The following MALRD1 variants were observed in gnomAD, a reference collection of about 807,000 sequenced individuals.
MALRD1 encodes the protein MAM and LDL receptor class A domain containing 1, also known as MAM and LDL-receptor class A domain-containing protein 1.
A neutral mutation model predicts 242.1 loss-of-function variants in MALRD1; 247 were observed. The observed-to-expected ratio is 1.02, with a 90% confidence interval of 0.92 to 1.13. The LOEUF (loss-of-function observed/expected upper bound fraction) is 1.13. Among genes scored for constraint, MALRD1 ranks in the 50% most tolerant of loss-of-function variants. MALRD1 has a pLI of 0.00. For synonymous variants in MALRD1, 995 were observed against 866.6 expected, an observed-to-expected ratio of 1.15 and a Z score of -2.60; for missense variants, 2,989 against 2,533.1, an observed-to-expected ratio of 1.18 and a Z score of -3.86.
At chr10:19,452,329 G>A (rs1490501103) in intron 29 of MALRD1, among the ~76,000 whole-genome samples, 3 of 152,156 alleles carry the variant, frequency 2.0e-5, no homozygotes, top group African/African-American at 7.2e-5. Context: ...TTCTGTGAGA[G>A]TTTACGTGAT....
intron 10 of MALRD1, among the ~76,000 whole-genome samples, chr10:19,144,921 G>C (rs950065351): frequency 6.6e-6 from 1 of 152,146 alleles, no homozygotes; most frequent in Non-Finnish European, 1.5e-5. Context: ...AAAGATGATA[G>C]CATGAAGATC....
chr10:19,403,486 A>G (rs1374461164), intron 28 of MALRD1, among the ~76,000 whole-genome samples: 1 of 152,118 alleles, frequency 6.6e-6, no homozygotes, highest in Non-Finnish European at 1.5e-5. Flanking sequence ...GCCCTCTTTT[A>G]TGCTAACGTG....
chr10:19,264,129 T>C (rs1839874183), intron 19 of MALRD1, among the ~76,000 whole-genome samples: 2 of 152,168 alleles, frequency 1.3e-5, no homozygotes, highest in African/African-American at 4.8e-5. Flanking sequence ...TTGTTTGGAG[T>C]TTTTATCATG....
At chr10:19,302,079 A>G (rs1415147196) in intron 21 of MALRD1, among the ~76,000 whole-genome samples, 1 of 151,876 alleles carries the variant, frequency 6.6e-6, no homozygotes, top group African/African-American at 2.4e-5. Flanking sequence ...CACATCCACT[A>G]GGATGGCAAT....
At chr10:19,252,707 C>T (rs1034408263) in intron 18 of MALRD1, among the ~76,000 whole-genome samples, 5 of 151,930 alleles carry the variant, frequency 3.3e-5, no homozygotes, top group African/African-American at 1.2e-4. Flanking sequence ...TTTAATATGG[C>T]ACTTATGACC....
chr10:19,697,257 T>G (rs924447375), intron 38 of MALRD1, among the ~76,000 whole-genome samples: 6 of 151,500 alleles, frequency 4.0e-5, no homozygotes, highest in Non-Finnish European at 8.8e-5. Context: ...CAAGTAAGAG[T>G]TGATGGTCCA....
At position 19,324,095 on chromosome 10, in the gene MALRD1, G is replaced by A; in HGVS notation, c.3566G>A (p.Gly1189Asp). 6.5e-7 allele frequency: 1 copy of A among 1,550,142 alleles called. No individual in the cohort carries two copies. The highest frequency in any genetic ancestry group is 8.7e-7 in the Non-Finnish European group (1 of 1,146,696). The part of the protein sequence containing the change: ...FWTHMNGATV[G>D]SLQVLIKKDN... The stretch of plus-strand genomic sequence containing the variant: ...ACACATATGAATGGGGCCACCGTTG[G>A]TTCTCTCCAGGTACTGCTTAGGCAA... Residue 1189 changes from glycine (G) to aspartate (D), a missense_variant, in exon 22 of 40, where the codon GGT (glycine) becomes GAT (aspartate). Coordinates refer to ENST00000454679, the MANE Select transcript of MALRD1 (RefSeq NM_001142308.3).
chr10:19,126,210 G>C (rs889361574), intron 7 of MALRD1, among the ~76,000 whole-genome samples: 1 of 152,072 alleles, frequency 6.6e-6, no homozygotes, highest in African/African-American at 2.4e-5. Context: ...ATTTCAGTAT[G>C]ATGAGTGCAG....
chr10:19,312,408 A>ATG (rs774610118), intron 21 of MALRD1, among the ~76,000 whole-genome samples: 3,403 of 143,960 alleles, frequency 0.024, 83 homozygotes, highest in African/African-American at 0.063. Context: ...ATATGTGTAT[A>ATG]TGTGTGTGTG....
intron 4 of MALRD1, among the ~76,000 whole-genome samples, chr10:19,095,536 A>G (rs1029726119): frequency 1.3e-5 from 2 of 152,124 alleles, no homozygotes; most frequent in Non-Finnish European, 2.9e-5. Context: ...TCATTCATTC[A>G]CTTAAGAAAG....
chr10:19,726,008 G>A (rs1564572454), intron 38 of MALRD1, among the ~76,000 whole-genome samples: 2 of 152,056 alleles, frequency 1.3e-5, no homozygotes, highest in African/African-American at 2.4e-5. Context: ...AGAAAACATA[G>A]TGGTAAATCT....
intron 18 of MALRD1, among the ~76,000 whole-genome samples, chr10:19,220,037 A>G (rs1837491503): frequency 6.6e-6 from 1 of 152,178 alleles, no homozygotes; most frequent in African/African-American, 2.4e-5. Flanking sequence ...TTCTTCTTGG[A>G]TAATTTTCAT....
rs549347062 is a variant in MALRD1 at position 19,586,276 on chromosome 10, T to C, written c.5681-8918T>C. On this transcript the variant is annotated intron_variant, in intron 33 of 39. Coordinates refer to ENST00000454679, the MANE Select transcript of MALRD1 (RefSeq NM_001142308.3). ...TTGTTCTGTTGCTGGTGAGGAACTG[T>C]GTTCCTTTGGAGGAGGAGAGGTGCT... is the stretch of plus-strand genomic sequence containing the variant. 7.5e-4 allele frequency among the ~76,000 whole-genome samples: 115 copies of C among 152,328 alleles called. 2 individuals are homozygous for C. The East Asian group carries it at 0.02, about 26-fold the overall frequency.
intron 33 of MALRD1, among the ~76,000 whole-genome samples, chr10:19,580,629 G>A (rs554188834): frequency 8.5e-5 from 13 of 152,076 alleles, no homozygotes; most frequent in African/African-American, 3.1e-4. Flanking sequence ...CATTTATGTT[G>A]TGTTAAGTCT....
At chr10:19,428,853 C>A (rs1834006596) in intron 28 of MALRD1, among the ~76,000 whole-genome samples, 1 of 152,122 alleles carries the variant, frequency 6.6e-6, no homozygotes. Context: ...AGAGAAATAA[C>A]CATAAATTCA....
intron 14 of MALRD1, among the ~76,000 whole-genome samples, chr10:19,176,703 G>A (rs1043875821): frequency 6.6e-6 from 1 of 152,096 alleles, no homozygotes; most frequent in East Asian, 1.9e-4. Flanking sequence ...GGGTTAACGT[G>A]TATTTACTTT....
At chr10:19,530,425 A>ATTG (rs1834342242) in intron 31 of MALRD1, among the ~76,000 whole-genome samples, 1 of 40,846 alleles carries the variant, frequency 2.4e-5, no homozygotes, top group Non-Finnish European at 6.8e-5. Flanking sequence ...AATAATAAAT[A>ATTG]TATAATATAT....
intron 26 of MALRD1, among the ~76,000 whole-genome samples, chr10:19,380,735 G>A (rs762655423): frequency 1.8e-4 from 27 of 151,880 alleles, no homozygotes; most frequent in Admixed American, 5.9e-4. Flanking sequence ...CTTGTGGTTC[G>A]TTGTTATGCC....
At chr10:19,526,931 A>G (rs548416162) in intron 31 of MALRD1, among the ~76,000 whole-genome samples, 10 of 152,282 alleles carry the variant, frequency 6.6e-5, no homozygotes, top group South Asian at 2.1e-4. Flanking sequence ...GGGAAAATGT[A>G]GAATAGGAAA....
Sources: gnomAD v4.1 joint callset for allele counts (sites outside exome capture counted in the v4.1 genomes callset) on GRCh38, gnomAD v4.1.1 for gene constraint, MANE v1.5 for transcripts, NCBI Gene and HGNC (gene_info 2026-07-23, HGNC 2026-07-21) for gene names.